The following GPHN variants were observed in gnomAD, a reference collection of about 807,000 sequenced individuals.
GPHN encodes the protein gephyrin.
In GPHN, 17 loss-of-function variants were observed where a neutral mutation model predicts 95.5. That is an observed-to-expected ratio of 0.18 (90% CI 0.12 to 0.27). GPHN has a LOEUF of 0.27. Ranked by LOEUF, GPHN falls within the 10% of genes least tolerant of loss-of-function variation. GPHN has a pLI of 1.00. For synonymous variants in GPHN, 320 were observed against 322.5 expected, an observed-to-expected ratio of 0.99 and a Z score of 0.08; for missense variants, 660 against 978.1, an observed-to-expected ratio of 0.67 and a Z score of 4.34.
the GPHN span, chr14:67,385,386 G>A: frequency 6.6e-6 from 1 of 150,866 alleles, no homozygotes; most frequent in Non-Finnish European, 1.5e-5. Context: ...AGGCCAGTGA[G>A]CTGTGATCAC....
chr14:67,040,085 A>C (rs1473623112), intron 10 of GPHN, among the ~76,000 whole-genome samples: 2 of 152,170 alleles, frequency 1.3e-5, no homozygotes, highest in African/African-American at 4.8e-5. Context: ...CTAAAAATTG[A>C]GTATTTTATA....
At chr14:67,092,706 A>C (rs1437826509) in intron 12 of GPHN, among the ~76,000 whole-genome samples, 4 of 152,140 alleles carry the variant, frequency 2.6e-5, no homozygotes, top group African/African-American at 9.6e-5. Flanking sequence ...TAAAGAAGGC[A>C]GGAATAAAGT....
intron 11 of GPHN, among the ~76,000 whole-genome samples, chr14:67,084,347 T>C (rs2076805251): frequency 6.6e-6 from 1 of 152,126 alleles, no homozygotes; most frequent in South Asian, 2.1e-4. Flanking sequence ...CAAAATTAGG[T>C]TTAAACTCCC....
chr14:66,736,287 A>G (rs1461367671), intron 2 of GPHN, among the ~76,000 whole-genome samples: 4 of 152,292 alleles, frequency 2.6e-5, no homozygotes, highest in Admixed American at 2.0e-4. Flanking sequence ...AGTGTTTCAC[A>G]TAGTTAAAAT....
the GPHN span, among the ~76,000 whole-genome samples, chr14:67,278,341 CTT>C: frequency 3.9e-4 from 54 of 138,120 alleles, no homozygotes; most frequent in Non-Finnish European, 4.0e-4. Context: ...CGGCCCAATT[CTT>C]TTTTTTTTTT....
the GPHN span, among the ~76,000 whole-genome samples, chr14:67,220,077 A>ATTATT: frequency 6.6e-6 from 1 of 152,140 alleles, no homozygotes; most frequent in African/African-American, 2.4e-5. Flanking sequence ...AGTTATATAT[A>ATTATT]TTATTTTTCT....
At chr14:67,322,467 T>C in the GPHN span, among the ~76,000 whole-genome samples, 4 of 152,202 alleles carry the variant, frequency 2.6e-5, no homozygotes, top group African/African-American at 7.2e-5. Context: ...CTTTCCTTAA[T>C]GTGGTAGAAT....
At chr14:66,858,217 C>T (rs2062877509) in intron 4 of GPHN, among the ~76,000 whole-genome samples, 1 of 151,926 alleles carries the variant, frequency 6.6e-6, no homozygotes, top group South Asian at 2.1e-4. Context: ...TGCACCATCC[C>T]TTCCCCATGC....
the GPHN span, among the ~76,000 whole-genome samples, chr14:67,637,430 AAAAG>A: frequency 6.9e-6 from 1 of 144,128 alleles, no homozygotes; most frequent in Non-Finnish European, 1.6e-5. Context: ...AAAAAAAAAA[AAAAG>A]AACTTTAATA....
At chr14:67,046,808 A>G (rs1187437718) in intron 10 of GPHN, among the ~76,000 whole-genome samples, 4 of 152,224 alleles carry the variant, frequency 2.6e-5, no homozygotes, top group African/African-American at 7.2e-5. Context: ...TCCTGAGCCT[A>G]CAAACTCTAC....
At chr14:66,565,126 T>C (rs1023956890) in intron 1 of GPHN, among the ~76,000 whole-genome samples, 2 of 152,176 alleles carry the variant, frequency 1.3e-5, no homozygotes, top group African/African-American at 4.8e-5. Flanking sequence ...GCAGCATTTC[T>C]CACCTAGTTT....
intron 3 of GPHN, among the ~76,000 whole-genome samples, chr14:66,818,525 C>T (rs2061069448): frequency 6.6e-6 from 1 of 152,102 alleles, no homozygotes; most frequent in Non-Finnish European, 1.5e-5. Context: ...GGGTTGTTCC[C>T]ATGTCTTTGC....
chr14:67,606,165 A>G, the GPHN span, among the ~76,000 whole-genome samples: 1 of 152,204 alleles, frequency 6.6e-6, no homozygotes, highest in South Asian at 2.1e-4. Flanking sequence ...TGTTTCAAGT[A>G]AGGAAGAATG....
chr14:66,813,114 A>C (rs1035917401), intron 3 of GPHN, among the ~76,000 whole-genome samples: 2 of 152,226 alleles, frequency 1.3e-5, no homozygotes, highest in African/African-American at 2.4e-5. Context: ...AGGGAAAAGT[A>C]CCATTTCTAA....
chr14:66,733,141 A>G (rs1447142681), intron 2 of GPHN, among the ~76,000 whole-genome samples: 1 of 152,056 alleles, frequency 6.6e-6, no homozygotes, highest in Non-Finnish European at 1.5e-5. Context: ...TTCAGTAATA[A>G]TCAGTGAGTT....
chr14:66,882,706 CGTTAGA>C (rs1014051698), intron 5 of GPHN, among the ~76,000 whole-genome samples: 15 of 151,658 alleles, frequency 9.9e-5, no homozygotes, highest in African/African-American at 3.4e-4. Flanking sequence ...ATGGTTGTTT[CGTTAGA>C]GTTTTTGTTT....
the GPHN span, chr14:67,735,310 T>C: frequency 2.4e-6 from 2 of 828,340 alleles, no homozygotes; most frequent in Admixed American, 1.7e-5. Flanking sequence ...CTCTCTGTAG[T>C]GTCTCGCCCG....
chr14:66,816,085 G>T (rs2060954304), intron 3 of GPHN, among the ~76,000 whole-genome samples: 1 of 152,218 alleles, frequency 6.6e-6, no homozygotes, highest in African/African-American at 2.4e-5. Flanking sequence ...AATGGTAAAA[G>T]GTTCAAATCA....
intron 2 of GPHN, among the ~76,000 whole-genome samples, chr14:66,721,502 G>T (rs1454460690): frequency 6.6e-6 from 1 of 152,018 alleles, no homozygotes; most frequent in Non-Finnish European, 1.5e-5. Context: ...TATAGCATCA[G>T]TTCTTATTTG....
Sources: allele counts gnomAD v4.1 joint callset (sites outside exome capture counted in the v4.1 genomes callset), GRCh38; gene constraint gnomAD v4.1.1; transcripts MANE v1.5; gene names NCBI Gene and HGNC (gene_info 2026-07-23, HGNC 2026-07-21).